Variants in PAM observed in about 807,000 individuals in gnomAD.
PAM encodes the protein peptidyl-glycine alpha-amidating monooxygenase.
Under a neutral mutation model 122.1 loss-of-function variants are expected in PAM, and 72 were observed. The ratio of observed to expected loss-of-function variants is 0.59; its 90% CI spans 0.49 to 0.72. PAM has a LOEUF of 0.72. Among genes scored for constraint, PAM ranks in the 30% least tolerant of loss-of-function variants. The pLI, the probability that PAM is intolerant of heterozygous loss-of-function variation, is 0.00. For missense variants in PAM, 1,106 were observed against 1,183.7 expected (o/e 0.93, Z 0.96); for synonymous variants, 389 against 404.4 (o/e 0.96, Z 0.46).
At chr5:102,978,845 AC>A (rs1284349057) in intron 15 of PAM, among the ~76,000 whole-genome samples, 6 of 151,356 alleles carry the variant, frequency 4.0e-5, no homozygotes, top group Non-Finnish European at 7.4e-5. Flanking sequence ...AAAAAAAAAA[AC>A]ACCTATACAT....
chr5:103,007,764 T>A, intron 20 of PAM, 107 bp downstream of exon 20: 1 of 695,228 alleles, frequency 1.4e-6, no homozygotes, highest in Non-Finnish European at 2.4e-6. Context: ...GCTATATATT[T>A]CACATCTTAA....
At chr5:102,853,396 C>T (rs1223243615) in intron 1 of PAM, among the ~76,000 whole-genome samples, 1 of 152,012 alleles carries the variant, frequency 6.6e-6, no homozygotes, top group Non-Finnish European at 1.5e-5. Context: ...TTCCCTGACT[C>T]TTCAAAGATA....
rs543251061 is a variant in PAM at position 102,867,596 on chromosome 5, A to G, written c.210+203A>G. Among the ~76,000 whole-genome samples, 3 of 152,330 alleles carry G rather than the reference A, an allele frequency of 2.0e-5. No homozygotes were observed. The South Asian group carries it at 6.2e-4, about 32-fold the overall frequency. ...TCTTTCACTTAAATTTTGTTTTTAA[A>G]ATTTTACTTATATTATCATTTGTGG... On this transcript the variant is annotated intron_variant, in intron 3 of 25. Coordinates refer to ENST00000438793, the MANE Select transcript of PAM (RefSeq NM_001177306.2).
At chr5:102,845,774 A>G (rs577723643) in intron 1 of PAM, among the ~76,000 whole-genome samples, 3 of 152,202 alleles carry the variant, frequency 2.0e-5, no homozygotes, top group African/African-American at 4.8e-5. Context: ...GCTTTATGCA[A>G]GGTGCCAGGT....
intron 12 of PAM, among the ~76,000 whole-genome samples, chr5:102,952,101 T>C (rs1211592293): frequency 1.3e-5 from 2 of 152,118 alleles, no homozygotes; most frequent in Non-Finnish European, 2.9e-5. Flanking sequence ...ACCTTTGTAG[T>C]AAGTAAATAG....
At chr5:103,004,803 A>T (rs1170143820) in intron 17 of PAM, among the ~76,000 whole-genome samples, 1 of 152,192 alleles carries the variant, frequency 6.6e-6, no homozygotes, top group African/African-American at 2.4e-5. Flanking sequence ...ATGTTTCTTA[A>T]GTCAGTTTTA....
At chr5:102,831,645 G>A (rs1033271663) in intron 1 of PAM, among the ~76,000 whole-genome samples, 7 of 152,104 alleles carry the variant, frequency 4.6e-5, no homozygotes, top group Admixed American at 3.3e-4. Context: ...ATTTCATGCA[G>A]TTTTTAAAGC....
At position 102,830,471 on chromosome 5, in the gene PAM, T is replaced by C. The variant is rs7717887; in HGVS notation, c.-373-35352T>C. On this transcript the variant is annotated intron_variant, in intron 1 of 25. Coordinates refer to ENST00000438793, the MANE Select transcript of PAM (RefSeq NM_001177306.2). ...ATTGTTTATTGAGCTTTTCATAGGGTTTTTCATATAGAACTTGTAACTGCT... is the reference window on the plus strand; with the variant it reads ...ATTGTTTATTGAGCTTTTCATAGGGCTTTTCATATAGAACTTGTAACTGCT... Among the ~76,000 whole-genome samples the C allele has an allele frequency of 6.2e-3, 948 of 152,190 alleles. 6 individuals carry two copies. The highest frequency in any genetic ancestry group is 0.01 in the Non-Finnish European group (692 of 67,998).
intron 4 of PAM, among the ~76,000 whole-genome samples, chr5:102,908,482 C>T (rs1418486614): frequency 6.7e-6 from 1 of 150,108 alleles, no homozygotes; most frequent in Non-Finnish European, 1.5e-5. Flanking sequence ...ATATGAACCA[C>T]CGCATATTCT....
chr5:102,831,481 A>C (rs1223366176), intron 1 of PAM, among the ~76,000 whole-genome samples: 2 of 151,112 alleles, frequency 1.3e-5, no homozygotes, highest in African/African-American at 4.9e-5. Flanking sequence ...TTAAGGACAC[A>C]TTTTAACATA....
rs796363129 is a variant in PAM, at chr5:102,779,554, G to T, written c.-374+24206G>T. Among the ~76,000 whole-genome samples, 68 of 152,164 alleles carry T rather than the reference G, an allele frequency of 4.5e-4. 1 individual carries two copies. Among genetic ancestry groups the T allele is most frequent in the African/African-American group, 1.6e-3 (66 of 41,532 alleles). The stretch of plus-strand genomic sequence containing the variant: ...ACCTGATTGAACTGAAGGATGCAAA[G>T]TATTGTTCCTGTGAGGGTGTTGCCA... On this transcript the variant is annotated intron_variant, in intron 1 of 25. Transcript: ENST00000438793.
At chr5:102,948,338 T>A (rs906143666) in intron 8 of PAM, 40 bp from the exon 9 acceptor site, 6 of 1,161,706 alleles carry the variant, frequency 5.2e-6, no homozygotes, top group Non-Finnish European at 6.4e-6. Flanking sequence ...TCATTTTGAC[T>A]TTTTCAGGTA....
At chr5:102,758,552 G>T (rs556636936) in intron 1 of PAM, among the ~76,000 whole-genome samples, 18 of 152,262 alleles carry the variant, frequency 1.2e-4, no homozygotes, top group Admixed American at 6.5e-5. Flanking sequence ...CAAAAGATGG[G>T]CTGTGAATAA....
chr5:102,849,590 G>C (rs1170030826), intron 1 of PAM, among the ~76,000 whole-genome samples: 3 of 151,224 alleles, frequency 2.0e-5, no homozygotes, highest in Non-Finnish European at 4.4e-5. Flanking sequence ...AGAAAAAGGT[G>C]CATAAGTAAA....
intron 1 of PAM, among the ~76,000 whole-genome samples, chr5:102,857,958 G>C (rs1783074702): frequency 6.6e-6 from 1 of 152,216 alleles, no homozygotes; most frequent in African/African-American, 2.4e-5. Flanking sequence ...TCTGGAGTCA[G>C]CAGGCTAGGA....
At chr5:102,955,195 A>G (rs890769968) in intron 12 of PAM, among the ~76,000 whole-genome samples, 12 of 152,028 alleles carry the variant, frequency 7.9e-5, no homozygotes, top group African/African-American at 2.4e-4. Flanking sequence ...ATGGAATACA[A>G]TGATATTTGG....
chr5:102,816,859 T>C (rs1180988724), intron 1 of PAM, among the ~76,000 whole-genome samples: 1 of 152,140 alleles, frequency 6.6e-6, no homozygotes, highest in Admixed American at 6.6e-5. Flanking sequence ...AAATTCATAT[T>C]GCTGATTTGA....
chr5:102,968,212 G>GT (rs1562071372), intron 14 of PAM, among the ~76,000 whole-genome samples: 1 of 152,114 alleles, frequency 6.6e-6, no homozygotes, highest in African/African-American at 2.4e-5. Flanking sequence ...AAACAATTAA[G>GT]TTTTTTATAG....
chr5:102,778,285 A>G lies in PAM; in HGVS notation c.-374+22937A>G, dbSNP rs995712535. On this transcript the variant is annotated intron_variant, in intron 1 of 25. Transcript: ENST00000438793. ...GTATTTATATGTTTATATTCGTTCT[A>G]TCTTCCCCATAAGATGGTAACATTG... is the stretch of plus-strand genomic sequence containing the variant. 3.3e-5 allele frequency among the ~76,000 whole-genome samples: 5 copies of G among 152,068 alleles called. No homozygotes were observed. The South Asian group carries it at 6.2e-4, about 19-fold the overall frequency.
Sources: gnomAD v4.1 joint callset for allele counts (sites outside exome capture counted in the v4.1 genomes callset) on GRCh38, gnomAD v4.1.1 for gene constraint, MANE v1.5 for transcripts, NCBI Gene and HGNC (gene_info 2026-07-23, HGNC 2026-07-21) for gene names.